SGPP1: variants seen among roughly 807,000 people sequenced by gnomAD.
SGPP1 encodes the protein hSPP1.
In SGPP1, 21 loss-of-function variants were observed where a neutral mutation model predicts 33.0. The observed-to-expected ratio is 0.64, with a 90% CI of 0.45 to 0.92. SGPP1 has a LOEUF of 0.92. Among genes scored for constraint, SGPP1 ranks in the 40% least tolerant of loss-of-function variants. SGPP1 has a pLI of 0.00. For synonymous variants in SGPP1, 239 were observed against 241.2 expected, an observed-to-expected ratio of 0.99 and a Z score of 0.08; for missense variants, 543 against 589.4, an observed-to-expected ratio of 0.92 and a Z score of 0.81.
chr14:63,695,804 G>A lies in SGPP1; in HGVS notation c.774+2765C>T, dbSNP rs149635827. ...TACATGTTTGTAGTCCTAGACACCC[G>A]GGAGGGTAAGGTGGGAGGATCACTT... On this transcript the variant is annotated intron_variant, in intron 2 of 2. Coordinates refer to ENST00000247225, the MANE Select transcript of SGPP1 (RefSeq NM_030791.4). 6.2e-3 allele frequency among the ~76,000 whole-genome samples: 950 copies of A among 152,232 alleles called. 6 individuals are homozygous for A. The highest frequency in any genetic ancestry group is 9.8e-3 in the Non-Finnish European group (667 of 68,002).
intron 2 of SGPP1, among the ~76,000 whole-genome samples, chr14:63,689,128 T>C (rs1243335227): frequency 2.0e-5 from 3 of 152,182 alleles, no homozygotes; most frequent in Admixed American, 6.5e-5. Flanking sequence ...GCAAAATACA[T>C]GTACAGTATA....
intron 1 of SGPP1, 108 bp downstream of exon 1, chr14:63,727,153 A>G (rs889787268): frequency 1.4e-6 from 2 of 1,440,324 alleles, no homozygotes; most frequent in Non-Finnish European, 9.1e-7. Flanking sequence ...ACCTGTGGAA[A>G]GAGAGGCTTT....
chr14:63,700,426 A>C (rs1268561269), intron 1 of SGPP1, among the ~76,000 whole-genome samples: 1 of 152,148 alleles, frequency 6.6e-6, no homozygotes, highest in Non-Finnish European at 1.5e-5. Flanking sequence ...AAGTAATCCA[A>C]ATGAGAAACA....
intron 2 of SGPP1, among the ~76,000 whole-genome samples, chr14:63,690,967 G>A (rs1885082928): frequency 6.6e-6 from 1 of 151,954 alleles, no homozygotes; most frequent in Admixed American, 6.6e-5. Flanking sequence ...TGTCCACCTT[G>A]GCCTCCCAAA....
At chr14:63,718,175 G>A (rs1054983064) in intron 1 of SGPP1, among the ~76,000 whole-genome samples, 2 of 151,792 alleles carry the variant, frequency 1.3e-5, no homozygotes, top group African/African-American at 2.4e-5. Flanking sequence ...TTGAACCCAG[G>A]AGGTGGAGGT....
At chr14:63,721,518 T>C (rs961255906) in intron 1 of SGPP1, among the ~76,000 whole-genome samples, 2 of 152,210 alleles carry the variant, frequency 1.3e-5, no homozygotes, top group African/African-American at 4.8e-5. Context: ...ACAAGTATCG[T>C]GCTCCATAAA....
intron 1 of SGPP1, among the ~76,000 whole-genome samples, chr14:63,714,151 T>C (rs1885574731): frequency 6.6e-6 from 1 of 152,216 alleles, no homozygotes; most frequent in African/African-American, 2.4e-5. Context: ...CACCATCAAC[T>C]TCCCTGGTTC....
intron 1 of SGPP1, among the ~76,000 whole-genome samples, chr14:63,702,783 C>T (rs1330226662): frequency 6.6e-6 from 1 of 152,084 alleles, no homozygotes; most frequent in Admixed American, 6.6e-5. Flanking sequence ...TTCATATTTA[C>T]TCCCCATTGA....
chr14:63,727,499 G>A lies in SGPP1; in HGVS notation c.446C>T (p.Pro149Leu). 2.5e-6 allele frequency: 4 copies of A among 1,614,174 alleles called. No homozygotes were observed. Among genetic ancestry groups the A allele is most frequent in the Non-Finnish European group, 3.4e-6 (4 of 1,180,026 alleles). Reference protein sequence around the residue: ...GNELFYILFFPFWIWNLDPLV... With the variant: ...GNELFYILFFLFWIWNLDPLV... Reference sequence around the variant, plus strand: ...AGGGTCCAGGTTCCAGATCCAGAAGGGGAAGAACAGGATGTAGAAGAGTTC... The same window carrying A: ...AGGGTCCAGGTTCCAGATCCAGAAGAGGAAGAACAGGATGTAGAAGAGTTC... The change falls in exon 1 of 3, where the codon CCC becomes CTC. Residue 149 changes from proline (P) to leucine (L), a missense_variant. Transcript: ENST00000247225.
At position 63,686,746 on chromosome 14, in the gene SGPP1, G is replaced by C. The variant is rs2139622680; in HGVS notation, c.775-90C>G. On this transcript the variant is annotated intron_variant, in intron 2 of 2. Transcript: ENST00000247225. ...ATTTATATTTGACATTTCAAATGTTGAATATACATAAATTTTTTAAAGTTG... is the reference window on the plus strand; with the variant it reads ...ATTTATATTTGACATTTCAAATGTTCAATATACATAAATTTTTTAAAGTTG... The C allele has an allele frequency of 3.2e-6, 3 of 925,308 alleles. No individual in the cohort carries two copies. In the Admixed American group the frequency reaches 9.4e-5, roughly 29 times the overall value. 57.3% of individuals were successfully genotyped at this position (925,308 alleles called of 1,614,324 possible).
chr14:63,722,481 A>G (rs1885791313), intron 1 of SGPP1, among the ~76,000 whole-genome samples: 1 of 151,710 alleles, frequency 6.6e-6, no homozygotes, highest in Non-Finnish European at 1.5e-5. Flanking sequence ...CAGTGAGCCA[A>G]TATCGCACCA....
intron 2 of SGPP1, among the ~76,000 whole-genome samples, chr14:63,694,660 T>G (rs1270414568): frequency 6.6e-6 from 1 of 152,182 alleles, no homozygotes; most frequent in Non-Finnish European, 1.5e-5. Context: ...CATTTTGATA[T>G]CAATATAATG....
chr14:63,716,186 T>G (rs1413362428), intron 1 of SGPP1, among the ~76,000 whole-genome samples: 1 of 152,106 alleles, frequency 6.6e-6, no homozygotes, highest in Non-Finnish European at 1.5e-5. Context: ...AGAAGATAAA[T>G]ACCTTAAGAT....
chr14:63,723,575 CG>C (rs371379619), intron 1 of SGPP1, among the ~76,000 whole-genome samples: 21 of 151,892 alleles, frequency 1.4e-4, no homozygotes, highest in African/African-American at 4.8e-4. Flanking sequence ...AAACATTAGC[CG>C]GGGGTGGTGG....
intron 1 of SGPP1, among the ~76,000 whole-genome samples, chr14:63,718,433 G>A (rs1233981632): frequency 6.6e-6 from 1 of 152,088 alleles, no homozygotes; most frequent in Admixed American, 6.6e-5. Flanking sequence ...GAAAAAATGT[G>A]AAAAGAGGCT....
intron 1 of SGPP1, among the ~76,000 whole-genome samples, chr14:63,719,269 T>G (rs1001928700): frequency 1.3e-5 from 2 of 151,016 alleles, no homozygotes; most frequent in African/African-American, 4.9e-5. Context: ...CCTCCCAAAG[T>G]GCTATGATTA....
At chr14:63,715,465 G>C (rs1468310727) in intron 1 of SGPP1, among the ~76,000 whole-genome samples, 3 of 152,044 alleles carry the variant, frequency 2.0e-5, no homozygotes, top group Non-Finnish European at 4.4e-5. Context: ...TTGTGTGTTT[G>C]TATGTTGTTC....
At position 63,685,830 on chromosome 14, in the gene SGPP1, A is replaced by T; in HGVS notation, c.*275T>A. Reference sequence around the variant, plus strand: ...ATATTATGTACCTTATATATATTATATATAAGTTGAATCCATAATACAAAA... The same window carrying T: ...ATATTATGTACCTTATATATATTATTTATAAGTTGAATCCATAATACAAAA... On this transcript the variant is annotated 3_prime_UTR_variant, in exon 3 of 3. Transcript: ENST00000247225. 6.0e-6 allele frequency: 1 copy of T among 165,390 alleles called. No homozygotes were observed. The highest frequency in any genetic ancestry group is 1.6e-4 in the East Asian group (1 of 6,360). 10.2% of individuals were successfully genotyped at this position (165,390 alleles called of 1,614,324 possible). A position where few individuals can be genotyped will look rare whatever the true frequency, so the allele number is the denominator to read the frequency against.
chr14:63,722,755 CAGG>C (rs1468994384), intron 1 of SGPP1, among the ~76,000 whole-genome samples: 2 of 151,216 alleles, frequency 1.3e-5, no homozygotes, highest in African/African-American at 4.9e-5. Context: ...CACTTGAGCT[CAGG>C]AGTTCAAGAC....
Sources: allele counts gnomAD v4.1 joint callset (sites outside exome capture counted in the v4.1 genomes callset), GRCh38; gene constraint gnomAD v4.1.1; transcripts MANE v1.5; gene names NCBI Gene and HGNC (gene_info 2026-07-23, HGNC 2026-07-21).